COL1A2: variants seen among roughly 807,000 people sequenced by gnomAD.
COL1A2 encodes collagen type I alpha 2 chain, also known as collagen alpha-2(I) chain.
COL1A2 carries 49 observed loss-of-function variants against 174.3 expected under a neutral mutation model. The ratio of observed to expected loss-of-function variants is 0.28; its 90% CI spans 0.22 to 0.36. The LOEUF is 0.36. Among genes scored for constraint, COL1A2 ranks in the 10% least tolerant of loss-of-function variants. The pLI, the probability that COL1A2 is intolerant of heterozygous loss-of-function variation, is 1.00. For missense variants in COL1A2, 1,438 were observed against 1,822.7 expected (o/e 0.79, Z 3.84); for synonymous variants, 655 against 606.6 (o/e 1.08, Z -1.17).
chr7:94,412,447 T>G, intron 24 of COL1A2, 137 bp from the exon 25 acceptor site: 1 of 725,080 alleles, frequency 1.4e-6, no homozygotes, highest in South Asian at 1.7e-5. Flanking sequence ...GAAAATGGAT[T>G]CATAATTTAT....
intron 46 of COL1A2, 157 bp from the exon 47 acceptor site, chr7:94,426,851 T>C (rs1792288317): frequency 1.4e-6 from 1 of 697,958 alleles, no homozygotes; most frequent in Non-Finnish European, 2.5e-6. Context: ...TTGAATATAA[T>C]AGACATAATG....
In COL1A2 at chr7:94,420,254, C is replaced by T. The variant is rs376698697; in HGVS notation, c.2101C>T (p.Pro701Ser). The stretch of plus-strand genomic sequence containing the variant: ...ATAGGGCGAAGCTGGGGCTGCTGGT[C>T]CTGCTGGTCCTGCTGGTCCTCGGGG... ...GDRGEAGAAG[P>S]AGPAGPRGSP... The change falls in exon 35 of 52, where the codon CCT becomes TCT. Residue 701 changes from proline (P) to serine (S), a missense_variant. By Grantham distance (74) the Pro-to-Ser change is moderately conservative. This residue lies in a region of COL1A2 where 867 missense variants were observed against 1,213.7 expected (regional missense o/e 0.71). Transcript: ENST00000297268. 8 of 1,613,686 alleles carry T rather than the reference C, an allele frequency of 5.0e-6. No homozygotes were observed. Among genetic ancestry groups the T allele is most frequent in the Non-Finnish European group, 6.8e-6 (8 of 1,180,026 alleles).
rs1792325444 is a variant in COL1A2 at position 94,428,241 on chromosome 7, T to C, written c.3527-52T>C. ...TCTTTCATTAGTTATTATTAGAATC[T>C]GTGTTCTGCTCAATGAGAAGTTTCA... On this transcript the variant is annotated intron_variant, in intron 49 of 51. Coordinates refer to ENST00000297268, the MANE Select transcript of COL1A2 (RefSeq NM_000089.4). 6 of 1,377,182 alleles carry C rather than the reference T, an allele frequency of 4.4e-6. No individual in the cohort carries two copies. In the Admixed American group the frequency reaches 5.0e-5, roughly 12 times the overall value. The allele number at this position is 1,377,182 out of a possible 1,614,324, so 85.3% of individuals were successfully genotyped here. A position where few individuals can be genotyped will look rare whatever the true frequency, so the allele number is the denominator to read the frequency against.
At chr7:94,429,116 T>TC in intron 50 of COL1A2, 72 bp from the exon 51 acceptor site, 1 of 1,220,660 alleles carries the variant, frequency 8.2e-7, no homozygotes, top group East Asian at 2.4e-5. Context: ...TTCTTTTTTT[T>TC]TTTTTTCATG....
At chr7:94,414,429 A>G (rs985202845) in intron 29 of COL1A2, among the ~76,000 whole-genome samples, 154 bp downstream of exon 29, 1 of 152,172 alleles carries the variant, frequency 6.6e-6, no homozygotes, top group African/African-American at 2.4e-5. Context: ...GCTGATGGAG[A>G]GAATGAGCCA....
At chr7:94,423,488 A>T (rs1792211293) in intron 40 of COL1A2, 1 of 244,602 alleles carries the variant, frequency 4.1e-6, no homozygotes, top group Admixed American at 4.9e-5. Context: ...TATTAGTGCT[A>T]CTCTGAAAGG....
At chr7:94,410,706 C>T (rs991735508) in intron 21 of COL1A2, among the ~76,000 whole-genome samples, 179 bp downstream of exon 21, 3 of 152,172 alleles carry the variant, frequency 2.0e-5, no homozygotes, top group African/African-American at 7.2e-5. Context: ...GGCCTGGAAA[C>T]AATGTTGACC....
Position 94,429,185 on chromosome 7 carries a change from T to C in COL1A2, c.3712-3T>C. 6.2e-7 allele frequency: 1 copy of C among 1,611,260 alleles called. No individual in the cohort carries two copies. Among genetic ancestry groups the C allele is most frequent in the Non-Finnish European group, 8.5e-7 (1 of 1,177,930 alleles). ...AACTGGAATTTCATCCTATTTTCTG[T>C]AGTTTGAATATAATGTAGAAGGAGT... On this transcript the variant is annotated splice_polypyrimidine_tract_variant and splice_region_variant and intron_variant, in intron 50 of 51. Transcript: ENST00000297268.
At chr7:94,395,425 G>T (rs1487974689) in intron 1 of COL1A2, 1 of 379,412 alleles carries the variant, frequency 2.6e-6, no homozygotes, top group Non-Finnish European at 5.0e-6. Flanking sequence ...CGACCAATGT[G>T]GTGGAGGAAG....
At chr7:94,421,815 T>C in intron 38 of COL1A2, 84 bp from the exon 39 acceptor site, 1 of 1,382,868 alleles carries the variant, frequency 7.2e-7, no homozygotes, top group Non-Finnish European at 1.0e-6. Flanking sequence ...CATGTACTGA[T>C]TTTCCAAAAC....
chr7:94,396,073 AG>A (rs1791577053), intron 1 of COL1A2, among the ~76,000 whole-genome samples: 1 of 152,148 alleles, frequency 6.6e-6, no homozygotes, highest in Non-Finnish European at 1.5e-5. Flanking sequence ...AATGTGAGAC[AG>A]AGATTAAAGG....
At chr7:94,425,506 C>T (rs1792253873) in intron 42 of COL1A2, 104 bp from the exon 43 acceptor site, 6 of 1,186,336 alleles carry the variant, frequency 5.1e-6, no homozygotes, top group Admixed American at 3.5e-5. Flanking sequence ...AAAGAGGGTT[C>T]GTTACTGAGC....
chr7:94,429,134 CTT>C, intron 50 of COL1A2, 52 bp from the exon 51 acceptor site: 2 of 1,050,396 alleles, frequency 1.9e-6, no homozygotes, highest in Non-Finnish European at 2.7e-6. Context: ...ATGTTTGACT[CTT>C]AGTATCTGAG....
chr7:94,422,608 A>G, intron 39 of COL1A2: 1 of 221,654 alleles, frequency 4.5e-6, no homozygotes, highest in Non-Finnish European at 8.9e-6. Context: ...GAAAAGGCAA[A>G]GTCCTTCGAA....
chr7:94,396,491 G>A (rs1791587550), intron 1 of COL1A2, among the ~76,000 whole-genome samples: 1 of 152,054 alleles, frequency 6.6e-6, no homozygotes, highest in South Asian at 2.1e-4. Context: ...TCGGCTCCTA[G>A]AGAATAAAAT....
chr7:94,419,659 T>G, intron 34 of COL1A2, 108 bp downstream of exon 34: 1 of 1,229,516 alleles, frequency 8.1e-7, no homozygotes, highest in Non-Finnish European at 1.2e-6. Context: ...TAAAGCCTAC[T>G]TATTTAAAAA....
In COL1A2 at chr7:94,410,529, T is replaced by G. The variant is rs111546719; in HGVS notation, c.1197+2T>G. 1 of 1,548,052 alleles carries G rather than the reference T, an allele frequency of 6.5e-7. No homozygotes were observed. Among genetic ancestry groups the G allele is most frequent in the Non-Finnish European group, 8.7e-7 (1 of 1,145,810 alleles). ...CCTCCAGGACCTCCTGGGCTGAGAG[T>G]AGGTTTCAAATGCTCCCAACACCCT... On this transcript the variant is annotated splice_donor_variant, in intron 21 of 51. Coordinates refer to ENST00000297268, the MANE Select transcript of COL1A2 (RefSeq NM_000089.4). LOFTEE classifies it high-confidence loss of function.
intron 17 of COL1A2, 45 bp from the exon 18 acceptor site, chr7:94,409,519 A>G: frequency 6.2e-7 from 1 of 1,613,496 alleles, no homozygotes; most frequent in East Asian, 2.2e-5. Context: ...AAGAACCGAA[A>G]TATTCCAATT....
rs751960243 is a variant in COL1A2, at chr7:94,425,627, T to C, written c.2799T>C (p.Asp933=). Residue 933 remains aspartate (D), a synonymous_variant, in exon 43 of 52, where the codon GAT becomes GAC. Coordinates refer to ENST00000297268, the MANE Select transcript of COL1A2 (RefSeq NM_000089.4). Reference sequence around the variant, plus strand: ...CTTCACAGGGCAACCCTGGGAACGATGGTCCCCCAGGTCGCGATGGTCAAC... The same window carrying C: ...CTTCACAGGGCAACCCTGGGAACGACGGTCCCCCAGGTCGCGATGGTCAAC... ...EAGRDGNPGN[D]GPPGRDGQPG... is the part of the protein sequence containing the mutation. The C allele has an allele frequency of 2.6e-5, 42 of 1,614,004 alleles. No homozygotes were observed. The highest frequency in any genetic ancestry group is 1.6e-4 in the Middle Eastern group (1 of 6,084).
Sources: allele counts gnomAD v4.1 joint callset (sites outside exome capture counted in the v4.1 genomes callset), GRCh38; gene constraint gnomAD v4.1.1; regional missense constraint gnomAD v4.1.1; transcripts MANE v1.5; gene names NCBI Gene and HGNC (gene_info 2026-07-23, HGNC 2026-07-21).